Variants in GABRB1 observed in about 807,000 individuals in gnomAD.
GABRB1 encodes gamma-aminobutyric acid receptor subunit beta-1.
A neutral mutation model predicts 51.6 loss-of-function variants in GABRB1; 17 were observed. The ratio of observed to expected loss-of-function variants is 0.33; its 90% CI spans 0.23 to 0.49. The LOEUF is 0.49. Among genes scored for constraint, GABRB1 ranks in the 20% least tolerant of loss-of-function variants. The probability of loss-of-function intolerance (pLI) is 0.99; values close to 1 mark genes in which losing one functional copy is unlikely to be tolerated. For synonymous variants in GABRB1, 247 were observed against 218.9 expected, an observed-to-expected ratio of 1.13 and a Z score of -1.14; for missense variants, 410 against 600.6, an observed-to-expected ratio of 0.68 and a Z score of 3.32.
At chr4:47,098,418 A>G (rs1714562574) in intron 3 of GABRB1, among the ~76,000 whole-genome samples, 1 of 152,100 alleles carries the variant, frequency 6.6e-6, no homozygotes, top group Non-Finnish European at 1.5e-5. Flanking sequence ...AATAACCCCA[A>G]ACCTTTGGGG....
chr4:47,155,916 C>CATATATATATAT (rs10525795), intron 3 of GABRB1, among the ~76,000 whole-genome samples: 2,543 of 73,238 alleles, frequency 0.035, 345 homozygotes, highest in Admixed American at 0.057. Context: ...GAGGTATTTT[C>CATATATATATAT]ATATATATAT....
chr4:47,117,025 C>T lies in GABRB1; in HGVS notation c.241-44224C>T, dbSNP rs114855143. 1.4e-3 allele frequency among the ~76,000 whole-genome samples: 211 copies of T among 152,218 alleles called. 1 individual carries two copies. The highest frequency in any genetic ancestry group is 2.6e-3 in the Non-Finnish European group (175 of 68,014). ...GTCCACCCCCATGATCCAGTCACCA[C>T]CTGCCAGGCCATTCCTCCAACACTG... On this transcript the variant is annotated intron_variant, in intron 3 of 8. Coordinates refer to ENST00000295454, the MANE Select transcript of GABRB1 (RefSeq NM_000812.4).
At chr4:47,251,249 G>C (rs1026689590) in intron 4 of GABRB1, among the ~76,000 whole-genome samples, 6 of 152,152 alleles carry the variant, frequency 3.9e-5, no homozygotes, top group Non-Finnish European at 8.8e-5. Context: ...AGTCTACCAG[G>C]CTCCGGGCTG....
At chr4:47,071,637 AT>A (rs549037125) in intron 3 of GABRB1, among the ~76,000 whole-genome samples, 7 of 144,118 alleles carry the variant, frequency 4.9e-5, no homozygotes, top group African/African-American at 1.0e-4. Context: ...ACATGTACTT[AT>A]TTTTTTTTCT....
At chr4:47,183,744 C>T (rs978293403) in intron 4 of GABRB1, among the ~76,000 whole-genome samples, 2 of 151,788 alleles carry the variant, frequency 1.3e-5, no homozygotes, top group Non-Finnish European at 2.9e-5. Context: ...CTCATGGCTA[C>T]CTTCCTATAC....
chr4:47,423,310 A>C (rs1729149988), intron 8 of GABRB1, among the ~76,000 whole-genome samples: 1 of 152,200 alleles, frequency 6.6e-6, no homozygotes, highest in Non-Finnish European at 1.5e-5. Flanking sequence ...TAGTCCATTC[A>C]GTGTAGTTGT....
At chr4:47,382,849 AT>A (rs1297810119) in intron 5 of GABRB1, among the ~76,000 whole-genome samples, 1 of 152,224 alleles carries the variant, frequency 6.6e-6, no homozygotes, top group African/African-American at 2.4e-5. Flanking sequence ...CTAGCCACGT[AT>A]TTCATCAATG....
At chr4:47,401,022 G>A (rs181325195) in intron 5 of GABRB1, among the ~76,000 whole-genome samples, 230 of 150,438 alleles carry the variant, frequency 1.5e-3, no homozygotes, top group African/African-American at 5.3e-3. Context: ...TCCGCCTCCG[G>A]GGTTCAGGCC....
chr4:47,170,270 A>T (rs950013437), intron 4 of GABRB1, among the ~76,000 whole-genome samples: 11 of 36,978 alleles, frequency 3.0e-4, no homozygotes, highest in Non-Finnish European at 3.9e-4. Flanking sequence ...TGAATGTAAA[A>T]GAAAGACGAG....
At chr4:47,229,963 G>T (rs914987284) in intron 4 of GABRB1, among the ~76,000 whole-genome samples, 1 of 152,212 alleles carries the variant, frequency 6.6e-6, no homozygotes, top group Admixed American at 6.6e-5. Context: ...CAGATTTGTG[G>T]TAATTTGTTG....
intron 4 of GABRB1, among the ~76,000 whole-genome samples, chr4:47,295,546 G>A (rs1723947100): frequency 1.3e-5 from 2 of 152,104 alleles, no homozygotes; most frequent in African/African-American, 4.8e-5. Context: ...AGCGAGAAGG[G>A]AAGTTTAGAG....
At chr4:47,350,234 G>A (rs927530821) in intron 5 of GABRB1, among the ~76,000 whole-genome samples, 3 of 144,562 alleles carry the variant, frequency 2.1e-5, no homozygotes, top group African/African-American at 7.6e-5. Context: ...GAGAGAGAGA[G>A]AGAGAGAGAG....
At chr4:47,104,843 A>C (rs568615640) in intron 3 of GABRB1, among the ~76,000 whole-genome samples, 1 of 152,124 alleles carries the variant, frequency 6.6e-6, no homozygotes, top group Non-Finnish European at 1.5e-5. Flanking sequence ...ATGCTGCCCA[A>C]GTTTTCTGTT....
At chr4:47,320,320 A>T in intron 5 of GABRB1, 111 bp downstream of exon 5, 2 of 738,298 alleles carry the variant, frequency 2.7e-6, no homozygotes, top group Non-Finnish European at 4.8e-6. Context: ...CGCTTGCCTG[A>T]TAAGTTTTCA....
chr4:47,221,183 A>G (rs899521900), intron 4 of GABRB1, among the ~76,000 whole-genome samples: 2 of 151,992 alleles, frequency 1.3e-5, no homozygotes, highest in African/African-American at 4.8e-5. Flanking sequence ...CATCTTTTCC[A>G]TGAAGACTGC....
At chr4:47,377,876 AC>A (rs1174967305) in intron 5 of GABRB1, among the ~76,000 whole-genome samples, 1 of 152,070 alleles carries the variant, frequency 6.6e-6, no homozygotes, top group African/African-American at 2.4e-5. Flanking sequence ...ATGTTTACAA[AC>A]CTTGAGCTAG....
chr4:46,994,766 C>A (rs1334574614), intron 1 of GABRB1, among the ~76,000 whole-genome samples: 1 of 152,142 alleles, frequency 6.6e-6, no homozygotes, highest in Admixed American at 6.5e-5. Flanking sequence ...TATGATGGAT[C>A]AATGAGCTAA....
chr4:47,261,102 G>A (rs1722417384), intron 4 of GABRB1, among the ~76,000 whole-genome samples: 3 of 152,132 alleles, frequency 2.0e-5, no homozygotes, highest in African/African-American at 7.2e-5. Flanking sequence ...CATACTGAAT[G>A]GGCAAAAACT....
chr4:47,213,243 A>C (rs866659291), intron 4 of GABRB1, among the ~76,000 whole-genome samples: 14 of 152,074 alleles, frequency 9.2e-5, no homozygotes, highest in Admixed American at 2.6e-4. Flanking sequence ...TCATTGGTTT[A>C]TTTAGCTCTA....
Sources: allele counts gnomAD v4.1 joint callset (sites outside exome capture counted in the v4.1 genomes callset), GRCh38; gene constraint gnomAD v4.1.1; transcripts MANE v1.5; gene names NCBI Gene and HGNC (gene_info 2026-07-23, HGNC 2026-07-21).